Variants in PRDM16 observed in about 807,000 individuals in gnomAD.
PRDM16 encodes PR/SET domain 16.
Under a neutral mutation model 110.6 loss-of-function variants are expected in PRDM16, and 23 were observed. That is an observed-to-expected ratio of 0.21 (90% CI 0.15 to 0.29). PRDM16 has a LOEUF of 0.29. PRDM16 is among the 10% of genes least tolerant of loss of function. The probability of loss-of-function intolerance (pLI) is 1.00; values close to 1 mark genes in which losing one functional copy is unlikely to be tolerated. For synonymous variants in PRDM16, 799 were observed against 781.8 expected (o/e 1.02, Z -0.37); for missense variants, 1,615 against 1,794.3 (o/e 0.90, Z 1.81).
At chr1:3,317,474 A>G (rs1183625604) in intron 3 of PRDM16, among the ~76,000 whole-genome samples, 1 of 152,224 alleles carries the variant, frequency 6.6e-6, no homozygotes, top group African/African-American at 2.4e-5. Flanking sequence ...GGTGTCCGGC[A>G]TGAGGCCGTC....
chr1:3,284,099 C>G (rs12029943), intron 3 of PRDM16, among the ~76,000 whole-genome samples: 1 of 152,120 alleles, frequency 6.6e-6, no homozygotes, highest in African/African-American at 2.4e-5. Flanking sequence ...GGGGCAGGGG[C>G]TGCTGCCCGC....
chr1:3,214,483 G>A (rs1228018708), intron 2 of PRDM16, among the ~76,000 whole-genome samples: 1 of 152,178 alleles, frequency 6.6e-6, no homozygotes, highest in Non-Finnish European at 1.5e-5. Context: ...GATCACCTGA[G>A]GTTGGGAGTT....
intron 3 of PRDM16, among the ~76,000 whole-genome samples, chr1:3,323,686 C>A (rs562398349): frequency 6.6e-6 from 1 of 152,234 alleles, no homozygotes; most frequent in Non-Finnish European, 1.5e-5. Flanking sequence ...TGGGAGCGGC[C>A]GCACTTCCCC....
chr1:3,100,105 C>A (rs574137610), intron 1 of PRDM16, among the ~76,000 whole-genome samples: 1 of 152,108 alleles, frequency 6.6e-6, no homozygotes, highest in African/African-American at 2.4e-5. Flanking sequence ...GACAGGTGGC[C>A]GTCCCCTGGC....
chr1:3,404,523 G>A (rs957242096), intron 6 of PRDM16, among the ~76,000 whole-genome samples: 9 of 152,222 alleles, frequency 5.9e-5, no homozygotes, highest in Non-Finnish European at 1.2e-4. Flanking sequence ...TCCAGGTGCC[G>A]GCTTCCCCAT....
At chr1:3,345,803 T>G (rs1179012881) in intron 3 of PRDM16, among the ~76,000 whole-genome samples, 1 of 73,630 alleles carries the variant, frequency 1.4e-5, no homozygotes, top group Non-Finnish European at 3.0e-5. Flanking sequence ...GGCCACCCCT[T>G]GGTTCCTCCT....
chr1:3,389,233 C>G (rs1342215185), intron 4 of PRDM16, among the ~76,000 whole-genome samples: 1 of 152,216 alleles, frequency 6.6e-6, no homozygotes, highest in Non-Finnish European at 1.5e-5. Context: ...AGCACCTCCC[C>G]AGAGGCTCCC....
At chr1:3,411,297 G>A in intron 8 of PRDM16, 87 bp from the exon 9 acceptor site, 1 of 1,444,672 alleles carries the variant, frequency 6.9e-7, no homozygotes, top group Non-Finnish European at 9.5e-7. Flanking sequence ...CCAGCGGCTG[G>A]CTTTCCCAGT....
rs1640261625 is a variant in PRDM16, at chr1:3,265,302, G to T, written c.438+21165G>T. Among the ~76,000 whole-genome samples the T allele has an allele frequency of 6.6e-6, 1 of 152,122 alleles. No homozygotes were observed. Among genetic ancestry groups the T allele is most frequent in the South Asian group, 2.1e-4 (1 of 4,824 alleles). On this transcript the variant is annotated intron_variant, in intron 3 of 16. Transcript: ENST00000270722. The surrounding 1 kb of genome is among the most constrained non-coding windows in gnomAD (Gnocchi z 4.5). ...GGGTGCAGGGGGAGCGGACAGGAAT[G>T]CAGGTGTGGGTGGGAAGGGGCTGAA... is the stretch of plus-strand genomic sequence containing the variant.
intron 3 of PRDM16, among the ~76,000 whole-genome samples, chr1:3,268,415 A>G (rs1277559814): frequency 1.3e-5 from 2 of 152,244 alleles, no homozygotes; most frequent in African/African-American, 4.8e-5. Context: ...TAACGTGTGC[A>G]CTTCGCAAAG....
chr1:3,331,067 C>T (rs1354933449), intron 3 of PRDM16, among the ~76,000 whole-genome samples: 2 of 152,250 alleles, frequency 1.3e-5, no homozygotes, highest in African/African-American at 2.4e-5. Flanking sequence ...ACCGCCCACC[C>T]GGGCTCCAGG....
At chr1:3,194,395 C>T (rs1397476055) in intron 2 of PRDM16, among the ~76,000 whole-genome samples, 2 of 152,200 alleles carry the variant, frequency 1.3e-5, no homozygotes, top group African/African-American at 4.8e-5. Context: ...GCAGCCGGCG[C>T]TCATTGGCTG....
chr1:3,380,418 C>T (rs981783601), intron 3 of PRDM16, among the ~76,000 whole-genome samples: 2 of 152,040 alleles, frequency 1.3e-5, no homozygotes, highest in Admixed American at 6.5e-5. Context: ...ACCCGGCCTC[C>T]GGGGACAAGG....
intron 2 of PRDM16, among the ~76,000 whole-genome samples, chr1:3,219,563 C>G (rs1039455953): frequency 6.6e-6 from 1 of 152,160 alleles, no homozygotes; most frequent in Admixed American, 6.5e-5. Flanking sequence ...AGTCAGAAGC[C>G]GGGTTAATAA....
rs114791860 is a variant in PRDM16 at position 3,411,226 on chromosome 1, A to G, written c.1187-158A>G. ...ACGCATGTATGCACAGTACACACATATACACCCATGCCCACGCACATGCAC... is the reference window on the plus strand; with the variant it reads ...ACGCATGTATGCACAGTACACACATGTACACCCATGCCCACGCACATGCAC... On this transcript the variant is annotated intron_variant, in intron 8 of 16. Coordinates refer to ENST00000270722, the MANE Select transcript of PRDM16 (RefSeq NM_022114.4). 4.3e-3 allele frequency among the ~76,000 whole-genome samples: 650 copies of G among 152,280 alleles called. 3 individuals are homozygous for G. The highest frequency in any genetic ancestry group is 0.015 in the African/African-American group (621 of 41,568).
chr1:3,225,416 G>A (rs772134285), intron 2 of PRDM16, among the ~76,000 whole-genome samples: 63 of 152,194 alleles, frequency 4.1e-4, no homozygotes, highest in Non-Finnish European at 7.2e-4. Flanking sequence ...GCCTGTGTGC[G>A]CTGGTCCCCG....
Position 3,096,832 on chromosome 1 carries a change from C to T in PRDM16, c.37+27536C>T, listed in dbSNP as rs114544239. Among the ~76,000 whole-genome samples, 1,192 of 152,282 alleles carry T rather than the reference C, an allele frequency of 7.8e-3. 19 individuals carry two copies. Among genetic ancestry groups the T allele is most frequent in the African/African-American group, 0.026 (1,084 of 41,564 alleles). The stretch of plus-strand genomic sequence containing the variant: ...TGCCTGTCTTTCCTTGTGCCAAGGA[C>T]GGGAGTCTGGGCGGCTTCTGCCCAC... On this transcript the variant is annotated intron_variant, in intron 1 of 16. Coordinates refer to ENST00000270722, the MANE Select transcript of PRDM16 (RefSeq NM_022114.4).
chr1:3,266,788 G>A (rs1381091839), intron 3 of PRDM16, among the ~76,000 whole-genome samples: 2 of 152,310 alleles, frequency 1.3e-5, no homozygotes, highest in Non-Finnish European at 2.9e-5. Flanking sequence ...CAATTCTCTT[G>A]CCTCAGCCTC....
chr1:3,288,534 A>G (rs901742100), intron 3 of PRDM16, among the ~76,000 whole-genome samples: 3 of 152,068 alleles, frequency 2.0e-5, no homozygotes, highest in African/African-American at 7.2e-5. Flanking sequence ...GAGTGGTGGC[A>G]AAAGGGTCCT....
Sources: gnomAD v4.1 joint callset for allele counts (sites outside exome capture counted in the v4.1 genomes callset) on GRCh38, gnomAD v4.1.1 for gene constraint, Gnocchi (gnomAD v3.1) non-coding constraint, MANE v1.5 for transcripts, NCBI Gene and HGNC (gene_info 2026-07-23, HGNC 2026-07-21) for gene names.